The following USP15 variants were observed in gnomAD, a reference collection of about 807,000 sequenced individuals.
USP15 encodes the protein ubiquitin specific peptidase 15.
A neutral mutation model predicts 127.1 loss-of-function variants in USP15; 18 were observed. The ratio of observed to expected loss-of-function variants is 0.14; its 90% CI spans 0.10 to 0.21. The LOEUF (loss-of-function observed/expected upper bound fraction) is 0.21, where lower values mean the gene tolerates loss of function less well. Ranked by LOEUF, USP15 falls within the 10% of genes least tolerant of loss-of-function variation. The pLI, the probability that USP15 is intolerant of heterozygous loss-of-function variation, is 1.00. For synonymous variants in USP15, 364 were observed against 393.7 expected, an observed-to-expected ratio of 0.92 and a Z score of 0.89; for missense variants, 805 against 1,159.9, an observed-to-expected ratio of 0.69 and a Z score of 4.44.
At chr12:62,322,358 G>C (rs891533067) in intron 5 of USP15, among the ~76,000 whole-genome samples, 2 of 151,970 alleles carry the variant, frequency 1.3e-5, no homozygotes, top group African/African-American at 4.8e-5. Context: ...GAATGGTCTC[G>C]ATCTCTTGAC....
chr12:62,333,144 G>T (rs1409659395), intron 6 of USP15, among the ~76,000 whole-genome samples: 1 of 152,154 alleles, frequency 6.6e-6, no homozygotes, highest in Non-Finnish European at 1.5e-5. Context: ...ATACATGTTG[G>T]CTGTAGCCAT....
chr12:62,371,595 AT>A (rs919534628), intron 8 of USP15, among the ~76,000 whole-genome samples: 8 of 152,116 alleles, frequency 5.3e-5, no homozygotes, highest in African/African-American at 1.9e-4. Context: ...AGTGTTTTTA[AT>A]TTTATTTTTC....
chr12:62,375,289 TC>T (rs2066791327), intron 8 of USP15, among the ~76,000 whole-genome samples: 2 of 152,154 alleles, frequency 1.3e-5, no homozygotes, highest in Admixed American at 1.3e-4. Flanking sequence ...TCTTTAGGCA[TC>T]ATTTGGACTT....
intron 21 of USP15, among the ~76,000 whole-genome samples, chr12:62,401,630 C>T (rs753039125): frequency 3.3e-5 from 5 of 151,864 alleles, no homozygotes; most frequent in Middle Eastern, 3.4e-3. Flanking sequence ...GAAAAAAAAT[C>T]CTTGAAGTAC....
chr12:62,364,429 C>G (rs1488703598), intron 8 of USP15, among the ~76,000 whole-genome samples: 1 of 152,130 alleles, frequency 6.6e-6, no homozygotes, highest in Non-Finnish European at 1.5e-5. Flanking sequence ...GTGCATAAAA[C>G]AGATGCCTAG....
intron 6 of USP15, chr12:62,336,618 C>A: frequency 2.0e-6 from 1 of 495,962 alleles, no homozygotes; most frequent in Non-Finnish European, 2.6e-6. Flanking sequence ...AGTACAAAAC[C>A]ATTGTATTTT....
At chr12:62,310,874 A>G (rs2064654865) in intron 3 of USP15, among the ~76,000 whole-genome samples, 1 of 152,008 alleles carries the variant, frequency 6.6e-6, no homozygotes, top group Non-Finnish European at 1.5e-5. Context: ...TTTTCTCCGC[A>G]TCTTCGCTAA....
At chr12:62,396,150 T>TGA (rs1273194578) in intron 19 of USP15, 145 bp from the exon 20 acceptor site, 1 of 338,308 alleles carries the variant, frequency 3.0e-6, no homozygotes, top group East Asian at 5.5e-5. Flanking sequence ...ATTTCCTTAG[T>TGA]GAGATATATA....
chr12:62,350,200 T>A (rs879539088), intron 7 of USP15, among the ~76,000 whole-genome samples: 1 of 151,980 alleles, frequency 6.6e-6, no homozygotes, highest in Non-Finnish European at 1.5e-5. Context: ...TCTGATTATC[T>A]CAGTGAGTAA....
intron 14 of USP15, among the ~76,000 whole-genome samples, chr12:62,390,654 G>A (rs998164930): frequency 4.0e-5 from 6 of 151,896 alleles, no homozygotes; most frequent in African/African-American, 1.5e-4. Context: ...TAACCTAAAA[G>A]GTAACATATT....
At position 62,384,318 on chromosome 12, in the gene USP15, GTTTGTTTTGTTTT is replaced by G; in HGVS notation, c.1473+20_1473+32del. 1 of 1,296,472 alleles carries G rather than the reference GTTTGTTTTGTTTT, an allele frequency of 7.7e-7. No individual in the cohort carries two copies. Among genetic ancestry groups the G allele is most frequent in the Non-Finnish European group, 1.0e-6 (1 of 1,002,518 alleles). The allele number at this position is 1,296,472 out of a possible 1,614,324, so 80.3% of individuals were successfully genotyped here. On this transcript the variant is annotated intron_variant, in intron 11 of 21. Coordinates refer to ENST00000280377, the MANE Select transcript of USP15 (RefSeq NM_001252078.2). ...ACCTATGCAGGTAAATCATGGGTTGGTTTGTTTTGTTTTTTTTTTTTTTTTTTTGCATTTGTTA... is the reference window on the plus strand; with the variant it reads ...ACCTATGCAGGTAAATCATGGGTTGGTTTTTTTTTTTTTTTGCATTTGTTA...
chr12:62,396,239 G>T, intron 19 of USP15, 56 bp from the exon 20 acceptor site: 1 of 1,402,520 alleles, frequency 7.1e-7, no homozygotes, highest in South Asian at 1.4e-5. Context: ...GAAGGGAATA[G>T]AATTCATTGC....
intron 1 of USP15, among the ~76,000 whole-genome samples, chr12:62,288,425 T>C (rs1024434920): frequency 2.0e-5 from 3 of 151,356 alleles, no homozygotes; most frequent in Admixed American, 6.6e-5. Context: ...TACTAGTGTA[T>C]AAAATTGCTT....
chr12:62,391,868 T>C lies in USP15; in HGVS notation c.2286T>C (p.Phe762=), dbSNP rs962687021. ...ATCCTGATTTGAAAAAAAGATATTT[T>C]GATGAAAATGCTGCTGAGGTAAGTC... ...DWDPDLKKRY[F]DENAAEDFEK... is the part of the protein sequence containing the mutation. The change falls in exon 17 of 22, where the codon TTT becomes TTC. Residue 762 remains phenylalanine (F), a synonymous_variant. Transcript: ENST00000280377. 1.9e-6 allele frequency: 3 copies of C among 1,610,140 alleles called. No homozygotes were observed. Among genetic ancestry groups the C allele is most frequent in the Admixed American group, 3.3e-5 (2 of 59,732 alleles).
At chr12:62,271,967 A>G (rs2063353721) in intron 1 of USP15, among the ~76,000 whole-genome samples, 1 of 151,842 alleles carries the variant, frequency 6.6e-6, no homozygotes, top group African/African-American at 2.4e-5. Flanking sequence ...AAACTATTCC[A>G]TTGGTTTATT....
At chr12:62,381,854 CTGTTT>C (rs1308203458) in intron 9 of USP15, among the ~76,000 whole-genome samples, 191 bp downstream of exon 9, 2 of 151,846 alleles carry the variant, frequency 1.3e-5, no homozygotes, top group Admixed American at 6.6e-5. Context: ...AACAGTTTAT[CTGTTT>C]TGTTTTTGTT....
chr12:62,380,877 A>T (rs939453504), intron 8 of USP15, among the ~76,000 whole-genome samples: 1 of 152,066 alleles, frequency 6.6e-6, no homozygotes, highest in African/African-American at 2.4e-5. Flanking sequence ...TTATTTTGCC[A>T]TAAAGGAAAA....
chr12:62,391,949 TA>T, intron 17 of USP15, 63 bp downstream of exon 17: 1 of 1,431,320 alleles, frequency 7.0e-7, no homozygotes, highest in Non-Finnish European at 9.6e-7. Flanking sequence ...TTACCAGAGA[TA>T]ATCATACTGT....
rs2068012558 is a variant in USP15, at chr12:62,410,475, T to C, written c.*6100T>C. 6.6e-6 allele frequency: 1 copy of C among 152,192 alleles called. No individual in the cohort carries two copies. Among genetic ancestry groups the C allele is most frequent in the African/African-American group, 2.4e-5 (1 of 41,448 alleles). The allele number at this position is 152,192 out of a possible 1,614,324, so 9.4% of individuals were successfully genotyped here. On this transcript the variant is annotated 3_prime_UTR_variant, in exon 22 of 22. Transcript: ENST00000280377. ...CCTTAAATAGTGACTTTGGTAAAGC[T>C]TTTTAATTTCTAGAACTCAGAGCTA...
Sources: allele counts gnomAD v4.1 joint callset (sites outside exome capture counted in the v4.1 genomes callset), GRCh38; gene constraint gnomAD v4.1.1; transcripts MANE v1.5; gene names NCBI Gene and HGNC (gene_info 2026-07-23, HGNC 2026-07-21).